IPO7: variants seen among roughly 807,000 people sequenced by gnomAD.
The protein encoded by IPO7 is importin 7, also known as importin-7.
IPO7 carries 13 observed loss-of-function variants against 136.4 expected under a neutral mutation model. The observed-to-expected ratio is 0.10, with a 90% confidence interval of 0.06 to 0.15. The LOEUF (loss-of-function observed/expected upper bound fraction) is 0.15, where lower values mean the gene tolerates loss of function less well. Among genes scored for constraint, IPO7 ranks in the 10% least tolerant of loss-of-function variants. The pLI, the probability that IPO7 is intolerant of heterozygous loss-of-function variation, is 1.00. For synonymous variants in IPO7, 403 were observed against 404.4 expected, an observed-to-expected ratio of 1.00 and a Z score of 0.04; for missense variants, 857 against 1,240.6, an observed-to-expected ratio of 0.69 and a Z score of 4.65.
intron 24 of IPO7, among the ~76,000 whole-genome samples, chr11:9,444,194 C>G (rs1485815482): frequency 6.6e-6 from 1 of 151,330 alleles, no homozygotes; most frequent in Non-Finnish European, 1.5e-5. Flanking sequence ...AGGAGAATCG[C>G]TCGAACCTGG....
intron 22 of IPO7, among the ~76,000 whole-genome samples, chr11:9,439,706 G>A (rs1018659639): frequency 4.0e-5 from 6 of 151,458 alleles, no homozygotes; most frequent in Non-Finnish European, 5.9e-5. Flanking sequence ...CTCCCAAGTA[G>A]CTGGGATTAC....
rs140329380 is a variant in IPO7, at chr11:9,423,119, G to A, written c.1020G>A (p.Lys340=). ...GAGTTTCTCATGCTCTCACCTGGAAGAATCTGAAGCCCCATATACAAGTAA... is the reference window on the plus strand; with the variant it reads ...GAGTTTCTCATGCTCTCACCTGGAAAAATCTGAAGCCCCATATACAAGTAA... ...NQGVSHALTW[K]NLKPHIQGII... is the part of the protein sequence containing the mutation. Residue 340 remains lysine, a synonymous_variant, in exon 9 of 25, where the codon AAG becomes AAA. Transcript: ENST00000379719. The A allele has an allele frequency of 5.1e-4, 804 of 1,581,496 alleles. 3 individuals are homozygous for A. Among genetic ancestry groups the A allele is most frequent in the Middle Eastern group, 6.8e-4 (4 of 5,882 alleles).
chr11:9,385,471 GT>G (rs1323887309), intron 1 of IPO7, among the ~76,000 whole-genome samples: 2 of 152,194 alleles, frequency 1.3e-5, no homozygotes, highest in African/African-American at 4.8e-5. Flanking sequence ...CTTTTCCGCT[GT>G]CCTAATGCTT....
intron 19 of IPO7, among the ~76,000 whole-genome samples, chr11:9,435,266 G>A (rs1855353590): frequency 7.5e-6 from 1 of 133,098 alleles, no homozygotes; most frequent in Admixed American, 7.8e-5. Flanking sequence ...AGAGTGCCCG[G>A]AGTTTAACTA....
At position 9,446,583 on chromosome 11, in the gene IPO7, A is replaced by G. The variant is rs964135868; in HGVS notation, c.*1389A>G. The stretch of plus-strand genomic sequence containing the variant: ...TAAACATCGGTCAGATGAGTCATAC[A>G]TTGGGTTATTTTTTATATACATGTA... On this transcript the variant is annotated 3_prime_UTR_variant, in exon 25 of 25. Transcript: ENST00000379719. 1 of 152,196 alleles carries G rather than the reference A, an allele frequency of 6.6e-6. No individual in the cohort carries two copies. Among genetic ancestry groups the G allele is most frequent in the African/African-American group, 2.4e-5 (1 of 41,456 alleles). 9.4% of individuals were successfully genotyped at this position (152,196 alleles called of 1,614,324 possible). A position where few individuals can be genotyped will look rare whatever the true frequency, so the allele number is the denominator to read the frequency against.
At chr11:9,435,237 G>A (rs1855353381) in intron 19 of IPO7, among the ~76,000 whole-genome samples, 1 of 151,866 alleles carries the variant, frequency 6.6e-6, no homozygotes, top group Non-Finnish European at 1.5e-5. Flanking sequence ...CTGACACTTG[G>A]AATTTGTTTT....
chr11:9,384,723 A>C lies in IPO7; in HGVS notation c.-41A>C, dbSNP rs1184588718. ...CAGTGAGTGGCGCTATTCCTGGCCC[A>C]GTAGCACCCGAGCCCCGGGTTTGAC... On this transcript the variant is annotated 5_prime_UTR_variant, in exon 1 of 25. Transcript: ENST00000379719. The C allele has an allele frequency of 1.5e-5, 23 of 1,513,646 alleles. No individual in the cohort carries two copies. Among genetic ancestry groups the C allele is most frequent in the Non-Finnish European group, 2.1e-5 (23 of 1,111,972 alleles). The allele number at this position is 1,513,646 out of a possible 1,614,324, so 93.8% of individuals were successfully genotyped here. A position where few individuals can be genotyped will look rare whatever the true frequency, so the allele number is the denominator to read the frequency against.
intron 4 of IPO7, among the ~76,000 whole-genome samples, chr11:9,412,721 A>G (rs1854984135): frequency 6.6e-6 from 1 of 151,924 alleles, no homozygotes; most frequent in Non-Finnish European, 1.5e-5. Flanking sequence ...AGTCCCAGCT[A>G]CTCAAGAGGC....
rs1022606791 is a variant in IPO7, at chr11:9,436,365, A to G, written c.2267A>G (p.Gln756Arg). ...CAGTGCAAAGGGCGTGGCATTGACCAGGTCAGTGAAGCTAATAATGATTTG... is the reference window on the plus strand; with the variant it reads ...CAGTGCAAAGGGCGTGGCATTGACCGGGTCAGTGAAGCTAATAATGATTTG... ...ILQCKGRGID[Q>R]CIPLFVEAAL... Residue 756 changes from glutamine to arginine, a missense_variant and splice_region_variant, in exon 20 of 25, where the codon CAG becomes CGG. Gln to Arg is a conservative substitution (Grantham distance 43, BLOSUM62 1). Coordinates refer to ENST00000379719, the MANE Select transcript of IPO7 (RefSeq NM_006391.3). The G allele has an allele frequency of 6.3e-7, 1 of 1,599,432 alleles. No individual in the cohort carries two copies. The highest frequency in any genetic ancestry group is 1.7e-5 in the Admixed American group (1 of 59,484).
intron 3 of IPO7, among the ~76,000 whole-genome samples, chr11:9,409,019 G>C (rs1298733023): frequency 1.3e-5 from 2 of 151,586 alleles, no homozygotes; most frequent in African/African-American, 4.8e-5. Context: ...GCTTTTCTGG[G>C]GGGCTTTTGG....
intron 8 of IPO7, among the ~76,000 whole-genome samples, 178 bp from the exon 9 acceptor site, chr11:9,422,828 A>C (rs1855153621): frequency 6.6e-6 from 1 of 152,162 alleles, no homozygotes; most frequent in Admixed American, 6.5e-5. Context: ...GATAGTATAT[A>C]GTTTTCTCTT....
chr11:9,384,752 G>A lies in IPO7; in HGVS notation c.-12G>A, dbSNP rs1854525666. ...GCACCCGAGCCCCGGGTTTGACCGA[G>A]TCCGCGCTGCGATGGACCCCAACAC... On this transcript the variant is annotated 5_prime_UTR_variant, in exon 1 of 25. Coordinates refer to ENST00000379719, the MANE Select transcript of IPO7 (RefSeq NM_006391.3). The A allele has an allele frequency of 6.3e-7, 1 of 1,591,248 alleles. No individual in the cohort carries two copies. The highest frequency in any genetic ancestry group is 1.7e-4 in the Middle Eastern group (1 of 6,032).
chr11:9,416,362 G>A (rs1207967492), intron 5 of IPO7, among the ~76,000 whole-genome samples: 3 of 152,116 alleles, frequency 2.0e-5, no homozygotes, highest in East Asian at 1.9e-4. Context: ...TAAGTAATTT[G>A]AATAAACACT....
At chr11:9,395,661 CG>C (rs1227487757) in intron 1 of IPO7, among the ~76,000 whole-genome samples, 3 of 152,252 alleles carry the variant, frequency 2.0e-5, no homozygotes, top group African/African-American at 7.2e-5. Flanking sequence ...GCTATATCCC[CG>C]CTAACAGAAA....
At chr11:9,418,133 C>T (rs1189237798) in intron 6 of IPO7, among the ~76,000 whole-genome samples, 3 of 151,692 alleles carry the variant, frequency 2.0e-5, no homozygotes, top group South Asian at 2.1e-4. Context: ...TGCAGTGGTG[C>T]GATCTCAGCT....
intron 12 of IPO7, 65 bp downstream of exon 12, chr11:9,425,327 C>G (rs1227281303): frequency 1.3e-5 from 12 of 949,036 alleles, no homozygotes. Flanking sequence ...AATAGCCAGC[C>G]AGGCACAGTG....
At chr11:9,431,338 A>C (rs1390759370) in intron 16 of IPO7, among the ~76,000 whole-genome samples, 1 of 152,118 alleles carries the variant, frequency 6.6e-6, no homozygotes, top group African/African-American at 2.4e-5. Flanking sequence ...TTACAATCCT[A>C]ACCATTTTTA....
chr11:9,424,697 C>T (rs964227644), intron 10 of IPO7, among the ~76,000 whole-genome samples: 19 of 152,152 alleles, frequency 1.2e-4, no homozygotes, highest in African/African-American at 3.1e-4. Context: ...GAGCCGAGAT[C>T]GCCCACTGCA....
chr11:9,406,104 CTTTTTTTTT>C (rs71062847), intron 2 of IPO7, among the ~76,000 whole-genome samples: 2 of 61,812 alleles, frequency 3.2e-5, no homozygotes, highest in African/African-American at 7.6e-5. Flanking sequence ...TGAGGCTGGT[CTTTTTTTTT>C]TTTTTTTTTT....
Sources: allele counts gnomAD v4.1 joint callset (sites outside exome capture counted in the v4.1 genomes callset), GRCh38; gene constraint gnomAD v4.1.1; transcripts MANE v1.5; gene names NCBI Gene and HGNC (gene_info 2026-07-23, HGNC 2026-07-21).